TBL1XR1: variants seen among roughly 807,000 people sequenced by gnomAD.
TBL1XR1 encodes TBL1X/Y related 1.
TBL1XR1 carries 5 observed loss-of-function variants against 66.9 expected under a neutral mutation model. The observed-to-expected ratio is 0.07, with a 90% CI of 0.04 to 0.16. The LOEUF (loss-of-function observed/expected upper bound fraction) is 0.16, where lower values mean the gene tolerates loss of function less well. Ranked by LOEUF, TBL1XR1 falls within the 10% of genes least tolerant of loss-of-function variation. The probability of loss-of-function intolerance (pLI) is 1.00; values close to 1 mark genes in which losing one functional copy is unlikely to be tolerated. For missense variants in TBL1XR1, 238 were observed against 623.2 expected (o/e 0.38, Z 6.58); for synonymous variants, 210 against 206.0 (o/e 1.02, Z -0.17).
chr3:177,163,427 T>A (rs958032804), intron 1 of TBL1XR1, among the ~76,000 whole-genome samples: 4 of 150,968 alleles, frequency 2.6e-5, no homozygotes, highest in African/African-American at 9.8e-5. Context: ...AAGAATCACA[T>A]GAAACCAGGA....
In TBL1XR1 at chr3:177,022,111, CAGAA is replaced by C. The variant is rs1279177422; in HGVS notation, c.*3383_*3386del. 3 of 152,450 alleles carry C rather than the reference CAGAA, an allele frequency of 2.0e-5. No individual in the cohort carries two copies. The highest frequency in any genetic ancestry group is 2.9e-5 in the Non-Finnish European group (2 of 67,958). 9.4% of individuals were successfully genotyped at this position (152,450 alleles called of 1,614,324 possible). ...TACTCTCTCATTAAATCTAATTTGA[CAGAA>C]AGAAGTTTAAGGGAAAAAGGAGTGC... is the stretch of plus-strand genomic sequence containing the variant. On this transcript the variant is annotated 3_prime_UTR_variant, in exon 16 of 16. Transcript: ENST00000457928.
At chr3:177,171,334 C>A (rs569508510) in intron 1 of TBL1XR1, 1 of 151,460 alleles carries the variant, frequency 6.6e-6, no homozygotes, top group East Asian at 2.0e-4. Flanking sequence ...GAGTGAAACT[C>A]TGTCTCAATA....
chr3:177,182,586 G>A (rs928545902), intron 1 of TBL1XR1, among the ~76,000 whole-genome samples: 1 of 152,158 alleles, frequency 6.6e-6, no homozygotes, highest in African/African-American at 2.4e-5. Flanking sequence ...AAGAGTGCCA[G>A]GCACTGTACC....
chr3:177,131,692 G>A (rs552768532), intron 1 of TBL1XR1, among the ~76,000 whole-genome samples: 2 of 152,074 alleles, frequency 1.3e-5, no homozygotes, highest in Admixed American at 1.3e-4. Flanking sequence ...AGTAGAGACA[G>A]GGTTTCACCA....
intron 10 of TBL1XR1, among the ~76,000 whole-genome samples, chr3:177,045,642 C>G (rs16827760): frequency 0.076 from 11,543 of 152,002 alleles, 527 homozygotes; most frequent in Admixed American, 0.15. Flanking sequence ...TACCTGGATC[C>G]AAAATGAGAA....
At chr3:177,141,939 G>A (rs577775467) in intron 1 of TBL1XR1, among the ~76,000 whole-genome samples, 1 of 152,240 alleles carries the variant, frequency 6.6e-6, no homozygotes, top group East Asian at 1.9e-4. Context: ...GTATATTAAG[G>A]TAGTTCATAA....
chr3:177,064,828 G>A lies in TBL1XR1; in HGVS notation c.58+92C>T, dbSNP rs541387729. 137 of 881,774 alleles carry A rather than the reference G, an allele frequency of 1.6e-4. 1 individual carries two copies. The African/African-American group carries it at 1.9e-3, about 12-fold the overall frequency. The allele number at this position is 881,774 out of a possible 1,614,324, so 54.6% of individuals were successfully genotyped here. A position where few individuals can be genotyped will look rare whatever the true frequency, so the allele number is the denominator to read the frequency against. ...ATTAAGAAAACATACAAAGTTCAAC[G>A]GTTTGGACTGATACAAATTTCAAAT... On this transcript the variant is annotated intron_variant, in intron 3 of 15. Coordinates refer to ENST00000457928, the MANE Select transcript of TBL1XR1 (RefSeq NM_024665.7).
chr3:177,072,165 G>C (rs1387660108), intron 2 of TBL1XR1, among the ~76,000 whole-genome samples: 2 of 152,124 alleles, frequency 1.3e-5, no homozygotes, highest in Non-Finnish European at 2.9e-5. Context: ...GGCTGTTCAA[G>C]GTGTTCAAAA....
At chr3:177,056,688 T>C (rs1183607856) in intron 3 of TBL1XR1, among the ~76,000 whole-genome samples, 1 of 152,166 alleles carries the variant, frequency 6.6e-6, no homozygotes, top group Admixed American at 6.5e-5. Context: ...CTAAAACTAC[T>C]TTTCCTTAGA....
chr3:177,194,519 CAA>C (rs1323794384), intron 1 of TBL1XR1, among the ~76,000 whole-genome samples: 1 of 152,122 alleles, frequency 6.6e-6, no homozygotes, highest in African/African-American at 2.4e-5. Flanking sequence ...CAAAATGTGT[CAA>C]GTCAGGAATT....
chr3:177,188,990 G>A (rs192694725), intron 1 of TBL1XR1, among the ~76,000 whole-genome samples: 237 of 149,424 alleles, frequency 1.6e-3, no homozygotes, highest in Non-Finnish European at 2.9e-3. Context: ...GGTGGATCAC[G>A]AGGTCAGGGG....
At chr3:177,171,145 C>CACT (rs1455513806) in intron 1 of TBL1XR1, among the ~76,000 whole-genome samples, 1 of 151,608 alleles carries the variant, frequency 6.6e-6, no homozygotes, top group Non-Finnish European at 1.5e-5. Context: ...GTTTAAGACA[C>CACT]ACCTGACCAA....
chr3:177,159,164 A>T (rs1731870835), intron 1 of TBL1XR1, among the ~76,000 whole-genome samples: 2 of 152,170 alleles, frequency 1.3e-5, no homozygotes, highest in Non-Finnish European at 2.9e-5. Flanking sequence ...GTAAAAAAAA[A>T]AAGAGAGAAA....
rs1228857288 is a variant in TBL1XR1, at chr3:177,023,699, G to C, written c.*1799C>G. On this transcript the variant is annotated 3_prime_UTR_variant, in exon 16 of 16. Transcript: ENST00000457928. Reference sequence around the variant, plus strand: ...GACTTGCTTCAATCAATGCTGTTTTGTAAAAATAGCAAAGCAACGAATGCT... The same window carrying C: ...GACTTGCTTCAATCAATGCTGTTTTCTAAAAATAGCAAAGCAACGAATGCT... 2 of 152,454 alleles carry C rather than the reference G, an allele frequency of 1.3e-5. No individual in the cohort carries two copies. The highest frequency in any genetic ancestry group is 2.9e-5 in the Non-Finnish European group (2 of 67,928). The allele number at this position is 152,454 out of a possible 1,614,324, so 9.4% of individuals were successfully genotyped here. A position where few individuals can be genotyped will look rare whatever the true frequency, so the allele number is the denominator to read the frequency against.
At chr3:177,054,060 G>GTA (rs1461808038) in intron 3 of TBL1XR1, 142 bp from the exon 4 acceptor site, 1 of 673,130 alleles carries the variant, frequency 1.5e-6, no homozygotes, top group Non-Finnish European at 2.4e-6. Context: ...GTGTGTGTGT[G>GTA]TGTGTGTGTG....
chr3:177,183,761 G>A (rs542692088), intron 1 of TBL1XR1, among the ~76,000 whole-genome samples: 1 of 150,186 alleles, frequency 6.7e-6, no homozygotes, highest in African/African-American at 2.4e-5. Flanking sequence ...CACTGCGCCC[G>A]ACCAAAAAAC....
chr3:177,184,797 G>A (rs1269859647), intron 1 of TBL1XR1, among the ~76,000 whole-genome samples: 1 of 112,048 alleles, frequency 8.9e-6, no homozygotes, highest in Non-Finnish European at 2.1e-5. Flanking sequence ...CAAGACTGTG[G>A]CTCAAAAAAA....
intron 7 of TBL1XR1, among the ~76,000 whole-genome samples, chr3:177,049,481 C>T (rs2108488396): frequency 6.6e-6 from 1 of 152,284 alleles, no homozygotes; most frequent in South Asian, 2.1e-4. Context: ...AAGATTCCTA[C>T]AGTGGGAATA....
chr3:177,142,717 A>T (rs1729771621), intron 1 of TBL1XR1, among the ~76,000 whole-genome samples: 1 of 152,234 alleles, frequency 6.6e-6, no homozygotes, highest in African/African-American at 2.4e-5. Context: ...TAAAAATTTA[A>T]AATAATAAAT....
Sources: gnomAD v4.1 joint callset for allele counts (sites outside exome capture counted in the v4.1 genomes callset) on GRCh38, gnomAD v4.1.1 for gene constraint, MANE v1.5 for transcripts, NCBI Gene and HGNC (gene_info 2026-07-23, HGNC 2026-07-21) for gene names.